FUT8: variants seen among roughly 807,000 people sequenced by gnomAD.
FUT8 encodes alpha-(1,6)-fucosyltransferase.
Under a neutral mutation model 71.3 loss-of-function variants are expected in FUT8, and 29 were observed. The ratio of observed to expected loss-of-function variants is 0.41; its 90% CI spans 0.30 to 0.55. FUT8 has a LOEUF of 0.55. FUT8 is among the 20% of genes least tolerant of loss of function. The probability of loss-of-function intolerance (pLI) is 0.34; values close to 1 mark genes in which losing one functional copy is unlikely to be tolerated. For synonymous variants in FUT8, 254 were observed against 239.3 expected (o/e 1.06, Z -0.57); for missense variants, 544 against 702.1 (o/e 0.77, Z 2.55).
At chr14:65,436,997 C>G (rs1380721778) in intron 1 of FUT8, among the ~76,000 whole-genome samples, 2 of 152,204 alleles carry the variant, frequency 1.3e-5, no homozygotes, top group Non-Finnish European at 2.9e-5. Flanking sequence ...GACATAAAGG[C>G]CTATTTCAGG....
chr14:65,439,669 G>T (rs1156607938), intron 1 of FUT8, among the ~76,000 whole-genome samples: 1 of 151,816 alleles, frequency 6.6e-6, no homozygotes, highest in Non-Finnish European at 1.5e-5. Context: ...GAGAGGAAAA[G>T]AAACTACAAG....
At chr14:65,572,385 C>A (rs532883643) in intron 3 of FUT8, among the ~76,000 whole-genome samples, 1 of 152,122 alleles carries the variant, frequency 6.6e-6, no homozygotes, top group African/African-American at 2.4e-5. Context: ...AGTAAGTACT[C>A]ACATTATCCC....
At chr14:65,491,634 G>T (rs552909077) in intron 2 of FUT8, among the ~76,000 whole-genome samples, 4 of 152,098 alleles carry the variant, frequency 2.6e-5, no homozygotes, top group African/African-American at 9.7e-5. Context: ...TTTAAAGCAC[G>T]AATTGATTTA....
intron 1 of FUT8, among the ~76,000 whole-genome samples, chr14:65,428,222 CTGTGTG>C (rs148794620): frequency 1.3e-5 from 2 of 151,772 alleles, no homozygotes; most frequent in African/African-American, 4.8e-5. Flanking sequence ...AATGTAGCCA[CTGTGTG>C]TGTGTGTGTC....
chr14:65,579,700 A>G (rs1886972673), intron 3 of FUT8, among the ~76,000 whole-genome samples: 1 of 152,180 alleles, frequency 6.6e-6, no homozygotes, highest in Non-Finnish European at 1.5e-5. Context: ...GATATAGTAT[A>G]TCTAAAAATA....
intron 2 of FUT8, among the ~76,000 whole-genome samples, chr14:65,513,484 G>A (rs1882498539): frequency 6.6e-6 from 1 of 150,580 alleles, no homozygotes; most frequent in Non-Finnish European, 1.5e-5. Flanking sequence ...TGACAGTCGT[G>A]TAAAATAGGG....
intron 3 of FUT8, among the ~76,000 whole-genome samples, chr14:65,600,794 T>A (rs1427860240): frequency 6.6e-6 from 1 of 152,156 alleles, no homozygotes; most frequent in Non-Finnish European, 1.5e-5. Flanking sequence ...CATTTCCATT[T>A]AAAAAATCTG....
At chr14:65,738,172 T>G (rs1013555205) in intron 10 of FUT8, among the ~76,000 whole-genome samples, 2 of 152,154 alleles carry the variant, frequency 1.3e-5, no homozygotes, top group Non-Finnish European at 2.9e-5. Context: ...CTTCTGGTGT[T>G]TCTCACAACA....
At chr14:65,570,025 C>T (rs1566827488) in intron 3 of FUT8, among the ~76,000 whole-genome samples, 2 of 151,990 alleles carry the variant, frequency 1.3e-5, no homozygotes, top group Non-Finnish European at 2.9e-5. Flanking sequence ...GAGCTTTGCT[C>T]TTTGGTCTCT....
chr14:65,587,246 T>G (rs763496967), intron 3 of FUT8, among the ~76,000 whole-genome samples: 2 of 152,004 alleles, frequency 1.3e-5, no homozygotes, highest in Non-Finnish European at 2.9e-5. Context: ...ATTTGTATAT[T>G]TAGGAAAACG....
chr14:65,457,719 C>T (rs1317095422), intron 2 of FUT8, among the ~76,000 whole-genome samples: 1 of 152,146 alleles, frequency 6.6e-6, no homozygotes, highest in Non-Finnish European at 1.5e-5. Flanking sequence ...TGAAACAGAA[C>T]AGAGCAGGGA....
At chr14:65,624,579 T>A (rs1350729508) in intron 5 of FUT8, among the ~76,000 whole-genome samples, 3 of 152,264 alleles carry the variant, frequency 2.0e-5, no homozygotes, top group Non-Finnish European at 4.4e-5. Flanking sequence ...TCCTTGAGGC[T>A]ATATGATGAT....
chr14:65,377,889 C>T, the FUT8 span, among the ~76,000 whole-genome samples: 1 of 152,096 alleles, frequency 6.6e-6, no homozygotes, highest in Admixed American at 6.5e-5. Flanking sequence ...TATAAAGCTA[C>T]AGGTTATAAG....
Position 65,669,200 on chromosome 14 carries a change from T to A in FUT8, c.598-43T>A, listed in dbSNP as rs144160296. ...AAAAAAAAAGAGCAGTTGACCTCTCTGTACAACTTATCTTTATTTTCATTT... is the reference window on the plus strand; with the variant it reads ...AAAAAAAAAGAGCAGTTGACCTCTCAGTACAACTTATCTTTATTTTCATTT... On this transcript the variant is annotated intron_variant, in intron 6 of 10. Coordinates refer to ENST00000673929, the MANE Select transcript of FUT8 (RefSeq NM_001371533.1). The surrounding 1 kb of genome is among the most constrained non-coding windows in gnomAD (Gnocchi z 4.5). 6.8e-7 allele frequency: 1 copy of A among 1,467,798 alleles called. No homozygotes were observed. The highest frequency in any genetic ancestry group is 1.7e-5 in the Admixed American group (1 of 58,310). The allele number at this position is 1,467,798 out of a possible 1,614,324, so 90.9% of individuals were successfully genotyped here.
chr14:65,512,907 C>CAAAAA (rs35280167), intron 2 of FUT8, among the ~76,000 whole-genome samples: 5 of 83,976 alleles, frequency 6.0e-5, no homozygotes, highest in African/African-American at 1.5e-4. Flanking sequence ...GACTCTGTCT[C>CAAAAA]AAAAAAAAAA....
At chr14:65,357,062 G>A in the FUT8 span, among the ~76,000 whole-genome samples, 3 of 152,206 alleles carry the variant, frequency 2.0e-5, no homozygotes, top group African/African-American at 7.2e-5. Flanking sequence ...TTACTCTGGC[G>A]GGAGCCAGGT....
intron 6 of FUT8, among the ~76,000 whole-genome samples, chr14:65,634,680 A>G (rs1247681773): frequency 2.6e-5 from 4 of 151,226 alleles, no homozygotes; most frequent in Admixed American, 2.0e-4. Flanking sequence ...ATTCTGTTGC[A>G]TTGGTCTATG....
chr14:65,467,967 T>C lies in FUT8; in HGVS notation c.-228+12249T>C. The C allele has an allele frequency of 2.8e-6, 2 of 712,588 alleles. No individual in the cohort carries two copies. The highest frequency in any genetic ancestry group is 5.3e-6 in the Non-Finnish European group (2 of 380,104). The allele number at this position is 712,588 out of a possible 1,614,324, so 44.1% of individuals were successfully genotyped here. On this transcript the variant is annotated intron_variant, in intron 2 of 10. Transcript: ENST00000673929. The surrounding 1 kb of genome is among the most constrained non-coding windows in gnomAD (Gnocchi z 4.1). ...CTTTTTCCGATCATTTTCCTTTACG[T>C]GTTTCAGGAAGCTATTTTGGCTCTT...
chr14:65,593,515 A>G (rs1887799659), intron 3 of FUT8, among the ~76,000 whole-genome samples: 1 of 152,276 alleles, frequency 6.6e-6, no homozygotes, highest in African/African-American at 2.4e-5. Context: ...ATATTAATAC[A>G]GAAATTAAAA....
Sources: allele counts gnomAD v4.1 joint callset (sites outside exome capture counted in the v4.1 genomes callset), GRCh38; gene constraint gnomAD v4.1.1; non-coding constraint Gnocchi (gnomAD v3.1); transcripts MANE v1.5; gene names NCBI Gene and HGNC (gene_info 2026-07-23, HGNC 2026-07-21).